The following GLI3 variants were observed in gnomAD, a reference collection of about 807,000 sequenced individuals.
GLI3 encodes GLI family zinc finger 3.
GLI3 carries 20 observed loss-of-function variants against 100.8 expected under a neutral mutation model. The ratio of observed to expected loss-of-function variants is 0.20; its 90% confidence interval spans 0.14 to 0.29. The LOEUF is 0.29. GLI3 is among the 10% of genes least tolerant of loss of function. The pLI, the probability that GLI3 is intolerant of heterozygous loss-of-function variation, is 1.00. For synonymous variants in GLI3, 938 were observed against 860.5 expected, an observed-to-expected ratio of 1.09 and a Z score of -1.58; for missense variants, 2,040 against 2,128.5, an observed-to-expected ratio of 0.96 and a Z score of 0.82.
chr7:42,054,109 T>A (rs1784405177), intron 4 of GLI3, among the ~76,000 whole-genome samples: 1 of 152,212 alleles, frequency 6.6e-6, no homozygotes, highest in African/African-American at 2.4e-5. Context: ...CAGTGGAAAC[T>A]GTTTGTTGGT....
intron 2 of GLI3, among the ~76,000 whole-genome samples, chr7:42,148,941 AG>A (rs1786789508): frequency 6.6e-6 from 1 of 152,190 alleles, no homozygotes; most frequent in Non-Finnish European, 1.5e-5. Flanking sequence ...TGGTTGCTCC[AG>A]GGGATGTAGG....
At chr7:42,174,604 T>C (rs951333378) in intron 2 of GLI3, among the ~76,000 whole-genome samples, 23 of 152,308 alleles carry the variant, frequency 1.5e-4, no homozygotes, top group African/African-American at 5.3e-4. Flanking sequence ...ATGGTCGCTC[T>C]TCCCTGACAC....
At chr7:42,173,288 C>G (rs1211486422) in intron 2 of GLI3, among the ~76,000 whole-genome samples, 4 of 152,092 alleles carry the variant, frequency 2.6e-5, no homozygotes, top group African/African-American at 9.7e-5. Context: ...GAAATCTTTT[C>G]TCTCTCTTCA....
chr7:42,076,873 AG>A lies in GLI3; in HGVS notation c.368-17del, dbSNP rs747677328. On this transcript the variant is annotated splice_polypyrimidine_tract_variant and intron_variant, in intron 3 of 14. Coordinates refer to ENST00000395925, the MANE Select transcript of GLI3 (RefSeq NM_000168.6). ...TGAGGAGGGTCTGAAAAGAAGAGAG[AG>A]CCCAATCTATATCAAATGAACACTT... The A allele has an allele frequency of 6.9e-7, 1 of 1,450,858 alleles. No homozygotes were observed. Among genetic ancestry groups the A allele is most frequent in the Admixed American group, 1.7e-5 (1 of 59,848 alleles). 89.9% of individuals were successfully genotyped at this position (1,450,858 alleles called of 1,614,324 possible).
intron 2 of GLI3, among the ~76,000 whole-genome samples, chr7:42,212,935 T>A (rs1214160428): frequency 2.6e-5 from 4 of 152,212 alleles, no homozygotes; most frequent in Non-Finnish European, 4.4e-5. Context: ...CCAAACCTAA[T>A]TCCCGTCTCA....
chr7:42,202,452 A>G (rs1240007843), intron 2 of GLI3, among the ~76,000 whole-genome samples: 1 of 152,132 alleles, frequency 6.6e-6, no homozygotes, highest in African/African-American at 2.4e-5. Context: ...TTCTAAAAAC[A>G]TGTAAGACAG....
chr7:42,137,227 C>G (rs1162160986), intron 3 of GLI3, among the ~76,000 whole-genome samples: 1 of 152,202 alleles, frequency 6.6e-6, no homozygotes, highest in Admixed American at 6.5e-5. Flanking sequence ...TCATTTCCCA[C>G]CTGGGCCACT....
chr7:42,216,573 A>G (rs1460972837), intron 2 of GLI3, among the ~76,000 whole-genome samples: 4 of 152,320 alleles, frequency 2.6e-5, no homozygotes, highest in Non-Finnish European at 5.9e-5. Flanking sequence ...AGGGGAAAGT[A>G]TGTATGACGG....
intron 1 of GLI3, among the ~76,000 whole-genome samples, chr7:42,225,479 C>T (rs535955705): frequency 1.9e-4 from 29 of 152,310 alleles, no homozygotes; most frequent in African/African-American, 7.0e-4. Flanking sequence ...CCTGCCTCAG[C>T]CTCCCAAGTA....
chr7:42,210,752 T>C (rs1224039491), intron 2 of GLI3, among the ~76,000 whole-genome samples: 1 of 151,732 alleles, frequency 6.6e-6, no homozygotes, highest in African/African-American at 2.4e-5. Context: ...TTACAATCTG[T>C]TGTTGTTGAA....
At chr7:42,127,941 G>A (rs1295042371) in intron 3 of GLI3, among the ~76,000 whole-genome samples, 1 of 151,202 alleles carries the variant, frequency 6.6e-6, no homozygotes. Context: ...GAACCCAGGA[G>A]GCAGGAGGCG....
At chr7:42,176,802 T>C (rs1787489528) in intron 2 of GLI3, among the ~76,000 whole-genome samples, 1 of 152,196 alleles carries the variant, frequency 6.6e-6, no homozygotes. Context: ...AGTGCAGCCC[T>C]GCCTGAGGGT....
At chr7:42,166,398 G>T (rs547259505) in intron 2 of GLI3, among the ~76,000 whole-genome samples, 7 of 152,272 alleles carry the variant, frequency 4.6e-5, no homozygotes, top group Admixed American at 4.6e-4. Flanking sequence ...AACAGTATAC[G>T]TTTGCTGCTG....
At chr7:42,250,347 A>G (rs181816749) in intron 1 of GLI3, among the ~76,000 whole-genome samples, 24 of 152,340 alleles carry the variant, frequency 1.6e-4, no homozygotes, top group Middle Eastern at 3.4e-3. Context: ...TGTAGGAAGC[A>G]ACAGATATGA....
intron 10 of GLI3, among the ~76,000 whole-genome samples, chr7:42,019,214 C>A (rs913948369): frequency 6.6e-6 from 1 of 152,118 alleles, no homozygotes; most frequent in Non-Finnish European, 1.5e-5. Flanking sequence ...AGTAATGACT[C>A]CACACTGAGA....
At chr7:42,133,095 T>C (rs1786334831) in intron 3 of GLI3, among the ~76,000 whole-genome samples, 1 of 152,180 alleles carries the variant, frequency 6.6e-6, no homozygotes, top group Non-Finnish European at 1.5e-5. Flanking sequence ...AAATACTTTT[T>C]TTTAGAAATT....
At chr7:42,093,617 T>C (rs1785274874) in intron 3 of GLI3, among the ~76,000 whole-genome samples, 1 of 152,172 alleles carries the variant, frequency 6.6e-6, no homozygotes. Flanking sequence ...AAGAATTTGG[T>C]AAACCTCAAA....
chr7:42,211,482 T>A (rs1487119135), intron 2 of GLI3, among the ~76,000 whole-genome samples: 3 of 152,256 alleles, frequency 2.0e-5, no homozygotes, highest in African/African-American at 7.2e-5. Context: ...GACCAACGTA[T>A]GTTTTCTGGT....
At chr7:42,176,452 AG>A (rs1001116593) in intron 2 of GLI3, among the ~76,000 whole-genome samples, 7 of 151,728 alleles carry the variant, frequency 4.6e-5, no homozygotes, top group African/African-American at 7.3e-5. Context: ...CTTTCTCTCC[AG>A]GGGCCTGCCT....
Sources: gnomAD v4.1 joint callset for allele counts (sites outside exome capture counted in the v4.1 genomes callset) on GRCh38, gnomAD v4.1.1 for gene constraint, MANE v1.5 for transcripts, NCBI Gene and HGNC (gene_info 2026-07-23, HGNC 2026-07-21) for gene names.